Variants in ZNF837 observed in about 807,000 individuals in gnomAD.
ZNF837 encodes the protein zinc finger protein 837.
For missense variants in ZNF837, 955 were observed against 801.7 expected (o/e 1.19, Z -2.31); for synonymous variants, 475 against 365.2 (o/e 1.30, Z -3.43).
At chr19:58,371,904 G>T (rs1394512015) in intron 1 of ZNF837, among the ~76,000 whole-genome samples, 1 of 150,738 alleles carries the variant, frequency 6.6e-6, no homozygotes, top group East Asian at 2.0e-4. Flanking sequence ...TGTATTTTTA[G>T]TAGAGATGGG....
Position 58,368,618 on chromosome 19 carries a change from G to A in ZNF837, c.715C>T (p.Gln239Ter), listed in dbSNP as rs899970173. 48 of 1,532,714 alleles carry A rather than the reference G, an allele frequency of 3.1e-5. No homozygotes were observed. Among genetic ancestry groups the A allele is most frequent in the Admixed American group, 1.4e-4 (7 of 50,696 alleles). 94.9% of individuals were successfully genotyped at this position (1,532,714 alleles called of 1,614,324 possible). Residue 239 changes from glutamine to a stop codon, truncating the protein, a stop_gained, in exon 3 of 3, where the codon CAG becomes TAG. Transcript: ENST00000597582. LOFTEE classifies it low-confidence loss of function (END_TRUNC). ...GGGGGACTCTTGCCCGCCTGCTGCTGCTGGTTGGGGCGGAAGCGCTTCCCG... is the reference window on the plus strand; with the variant it reads ...GGGGGACTCTTGCCCGCCTGCTGCTACTGGTTGGGGCGGAAGCGCTTCCCG... ...RCGKRFRPNQ[Q>*]QQAGKSPPVC...
At chr19:58,375,267 A>G (rs2052232288) in intron 1 of ZNF837, among the ~76,000 whole-genome samples, 1 of 65,426 alleles carries the variant, frequency 1.5e-5, no homozygotes, top group African/African-American at 8.7e-5. Flanking sequence ...AAAAAAAAAA[A>G]AAGTATATAT....
In ZNF837 at chr19:58,369,283, T is replaced by A. The variant is rs192381116; in HGVS notation, c.50A>T (p.Asp17Val). Reference sequence around the variant, plus strand: ...CCGGGCCCCGGAGGCACCCTGGGCATCGGCCTTGGGGAGTCCTCCCTGCCC... The same window carrying A: ...CCGGGCCCCGGAGGCACCCTGGGCAACGGCCTTGGGGAGTCCTCCCTGCCC... ...KAGQGGLPKADAQGASGAREK... is the reference protein window; with the variant it reads ...KAGQGGLPKAVAQGASGAREK... Residue 17 changes from aspartate to valine, a missense_variant, in exon 3 of 3, where the codon GAT (aspartate) becomes GTT (valine). Asp to Val is a radical substitution (Grantham distance 152). Coordinates refer to ENST00000597582, the MANE Select transcript of ZNF837 (RefSeq NM_138466.2). 1.6e-3 allele frequency: 2,288 copies of A among 1,406,684 alleles called. 3 individuals are homozygous for A. The highest frequency in any genetic ancestry group is 2.9e-3 in the Admixed American group (84 of 29,172). 87.1% of individuals were successfully genotyped at this position (1,406,684 alleles called of 1,614,324 possible). A position where few individuals can be genotyped will look rare whatever the true frequency, so the allele number is the denominator to read the frequency against.
At chr19:58,371,460 T>G (rs2052201535) in intron 1 of ZNF837, among the ~76,000 whole-genome samples, 1 of 152,194 alleles carries the variant, frequency 6.6e-6, no homozygotes, top group African/African-American at 2.4e-5. Flanking sequence ...ATGTGAGGTT[T>G]CTCAGCCTCA....
At chr19:58,372,884 C>T (rs1215724257) in intron 1 of ZNF837, among the ~76,000 whole-genome samples, 1 of 152,202 alleles carries the variant, frequency 6.6e-6, no homozygotes, top group African/African-American at 2.4e-5. Flanking sequence ...AGGCCCGGTT[C>T]CTGCTCTGCT....
At chr19:58,369,580 G>C in intron 2 of ZNF837, 1 of 376,172 alleles carries the variant, frequency 2.7e-6, no homozygotes, top group Non-Finnish European at 4.7e-6. Flanking sequence ...GGCTCTGCCT[G>C]CCCGCCATCA....
chr19:58,373,035 T>C (rs568921488), intron 1 of ZNF837, among the ~76,000 whole-genome samples: 12 of 152,312 alleles, frequency 7.9e-5, no homozygotes, highest in African/African-American at 2.9e-4. Flanking sequence ...ATGTGAGGTT[T>C]CTCAGCCTCA....
chr19:58,369,618 A>C, intron 2 of ZNF837: 4 of 310,292 alleles, frequency 1.3e-5, no homozygotes, highest in African/African-American at 2.2e-5. Context: ...TAGCTCCTAA[A>C]ACACTGTGCC....
At chr19:58,376,323 CG>C (rs2052245273) in intron 1 of ZNF837, among the ~76,000 whole-genome samples, 3 of 151,732 alleles carry the variant, frequency 2.0e-5, no homozygotes, top group African/African-American at 7.3e-5. Flanking sequence ...GAGGCCGAGG[CG>C]GGCGGATCAC....
intron 1 of ZNF837, among the ~76,000 whole-genome samples, chr19:58,378,364 G>A (rs142915681): frequency 1.9e-3 from 287 of 152,330 alleles, no homozygotes; most frequent in African/African-American, 6.4e-3. Context: ...CAGATGTCAG[G>A]GATGGAGGGA....
At chr19:58,376,917 T>TAA (rs34562043) in intron 1 of ZNF837, among the ~76,000 whole-genome samples, 27 of 138,866 alleles carry the variant, frequency 1.9e-4, no homozygotes, top group Middle Eastern at 3.6e-3. Context: ...CTGTCTCTAT[T>TAA]AAAAAAAAAA....
rs768453995 is a variant in ZNF837, at chr19:58,368,029, A to C, written c.1304T>G (p.Val435Gly). The change falls in exon 3 of 3, where the codon GTG becomes GGG. Residue 435 changes from valine to glycine, a missense_variant. By Grantham distance (109) the Val-to-Gly change is moderately radical. Coordinates refer to ENST00000597582, the MANE Select transcript of ZNF837 (RefSeq NM_138466.2). The part of the protein sequence containing the change: ...EKAFKGRSGL[V>G]QHQRAHTGER... Reference sequence around the variant, plus strand: ...GCCGGTGTGCGCGCGCTGGTGTTGCACCAGGCCCGAGCGGCCCTTGAAGGC... The same window carrying C: ...GCCGGTGTGCGCGCGCTGGTGTTGCCCCAGGCCCGAGCGGCCCTTGAAGGC... The C allele has an allele frequency of 2.0e-6, 3 of 1,535,810 alleles. No individual in the cohort carries two copies. The highest frequency in any genetic ancestry group is 2.6e-6 in the Non-Finnish European group (3 of 1,145,640).
At chr19:58,372,394 G>A (rs1354514539) in intron 1 of ZNF837, among the ~76,000 whole-genome samples, 6 of 151,676 alleles carry the variant, frequency 4.0e-5, no homozygotes, top group Admixed American at 1.3e-4. Context: ...AGGGCCGGGT[G>A]TGGTGGCTCA....
intron 1 of ZNF837, among the ~76,000 whole-genome samples, chr19:58,377,719 T>C (rs1222247490): frequency 6.6e-6 from 1 of 152,208 alleles, no homozygotes; most frequent in African/African-American, 2.4e-5. Flanking sequence ...GGGCAATTCC[T>C]TACAGGGGCA....
rs1599922329 is a variant in ZNF837 at position 58,368,741 on chromosome 19, G to A, written c.592C>T (p.Arg198Trp). The A allele has an allele frequency of 6.5e-7, 1 of 1,538,548 alleles. No individual in the cohort carries two copies. Among genetic ancestry groups the A allele is most frequent in the South Asian group, 1.2e-5 (1 of 83,984 alleles). ...RGRNPLVEQPRACACGEAFAW... is the reference protein window; with the variant it reads ...RGRNPLVEQPWACACGEAFAW... The stretch of plus-strand genomic sequence containing the variant: ...AAGGCCTCGCCGCACGCGCAAGCCC[G>A]GGGCTGCTCCACCAAGGGGTTCCTC... Residue 198 changes from arginine (R) to tryptophan (W), a missense_variant, in exon 3 of 3, where the codon CGG (arginine) becomes TGG (tryptophan). Coordinates refer to ENST00000597582, the MANE Select transcript of ZNF837 (RefSeq NM_138466.2).
chr19:58,370,829 A>T (rs2052193549), intron 1 of ZNF837, among the ~76,000 whole-genome samples: 1 of 151,314 alleles, frequency 6.6e-6, no homozygotes, highest in Non-Finnish European at 1.5e-5. Flanking sequence ...CGGGAGATGG[A>T]GGTTGCAGTT....
In ZNF837 at chr19:58,369,928, T is replaced by G. The variant is rs1185457607; in HGVS notation, c.-139A>C. ...GGTGCTCTCAAGGCTGGCAGCCTCA[T>G]CTACAAAATGGGTATGATAACGGTA... On this transcript the variant is annotated splice_region_variant and 5_prime_UTR_variant, in exon 2 of 3. An upstream start codon of the reference 5' UTR is lost. Transcript: ENST00000597582. 1 of 152,170 alleles carries G rather than the reference T, an allele frequency of 6.6e-6. No homozygotes were observed. Among genetic ancestry groups the G allele is most frequent in the Admixed American group, 6.5e-5 (1 of 15,276 alleles). The allele number at this position is 152,170 out of a possible 1,614,324, so 9.4% of individuals were successfully genotyped here. A position where few individuals can be genotyped will look rare whatever the true frequency, so the allele number is the denominator to read the frequency against.
At position 58,369,181 on chromosome 19, in the gene ZNF837, C is replaced by T. The variant is rs1427333773; in HGVS notation, c.152G>A (p.Arg51His). The T allele has an allele frequency of 2.1e-6, 3 of 1,451,240 alleles. No homozygotes were observed. The highest frequency in any genetic ancestry group is 2.6e-5 in the East Asian group (1 of 38,044). 89.9% of individuals were successfully genotyped at this position (1,451,240 alleles called of 1,614,324 possible). A position where few individuals can be genotyped will look rare whatever the true frequency, so the allele number is the denominator to read the frequency against. Residue 51 changes from arginine (R) to histidine (H), a missense_variant, in exon 3 of 3, where the codon CGT becomes CAT. Coordinates refer to ENST00000597582, the MANE Select transcript of ZNF837 (RefSeq NM_138466.2). ...GSRPTQKGDL[R>H]GAAGGRTTPP... ...AGTCGTCCTACCGCCCGCCGCTCCA[C>T]GCAGGTCCCCCTTTTGAGTGGGGCG...
At chr19:58,373,073 C>G (rs1351226211) in intron 1 of ZNF837, among the ~76,000 whole-genome samples, 1 of 152,200 alleles carries the variant, frequency 6.6e-6, no homozygotes, top group African/African-American at 2.4e-5. Flanking sequence ...CTGCACAACC[C>G]TCCTGTCCCC....
Sources: allele counts gnomAD v4.1 joint callset (sites outside exome capture counted in the v4.1 genomes callset), GRCh38; gene constraint gnomAD v4.1.1; transcripts MANE v1.5; gene names NCBI Gene and HGNC (gene_info 2026-07-23, HGNC 2026-07-21).